Variants in NCALD observed in about 807,000 individuals in gnomAD.
NCALD encodes the protein neurocalcin delta.
Under a neutral mutation model 18.6 loss-of-function variants are expected in NCALD, and 10 were observed. That is an observed-to-expected ratio of 0.54 (90% CI 0.33 to 0.91). The LOEUF is 0.91. Among genes scored for constraint, NCALD ranks in the 40% least tolerant of loss-of-function variants. The pLI, the probability that NCALD is intolerant of heterozygous loss-of-function variation, is 0.03. For synonymous variants in NCALD, 88 were observed against 87.4 expected (o/e 1.01, Z -0.04); for missense variants, 184 against 247.6 (o/e 0.74, Z 1.72).
At chr8:102,065,107 G>A (rs910490827) in intron 1 of NCALD, among the ~76,000 whole-genome samples, 3 of 151,916 alleles carry the variant, frequency 2.0e-5, no homozygotes, top group East Asian at 1.9e-4. Flanking sequence ...GGGCTTTGAG[G>A]GCTGAAGCAG....
intron 2 of NCALD, among the ~76,000 whole-genome samples, chr8:101,924,243 A>G (rs984225030): frequency 5.9e-5 from 9 of 152,168 alleles, no homozygotes; most frequent in Admixed American, 3.9e-4. Context: ...CCATTTAGCC[A>G]TTATTTCTAA....
chr8:101,992,330 T>C (rs929379753), intron 2 of NCALD, among the ~76,000 whole-genome samples: 5 of 152,222 alleles, frequency 3.3e-5, no homozygotes, highest in African/African-American at 4.8e-5. Flanking sequence ...TCAAGTGAAT[T>C]TATGAATTTC....
chr8:101,836,395 G>A (rs1040700166), intron 4 of NCALD, among the ~76,000 whole-genome samples: 1 of 152,220 alleles, frequency 6.6e-6, no homozygotes, highest in African/African-American at 2.4e-5. Flanking sequence ...ACTATGCAGA[G>A]ACTCACTTAC....
chr8:101,965,818 T>C (rs984745661), intron 2 of NCALD, among the ~76,000 whole-genome samples: 9 of 152,188 alleles, frequency 5.9e-5, no homozygotes, highest in Admixed American at 2.0e-4. Flanking sequence ...GTAAAAACAC[T>C]TATTTTTGGA....
At chr8:101,890,044 T>A (rs1215435521) in intron 3 of NCALD, among the ~76,000 whole-genome samples, 2 of 152,190 alleles carry the variant, frequency 1.3e-5, no homozygotes, top group African/African-American at 4.8e-5. Flanking sequence ...AGAGCTTGCA[T>A]TCATCCAAAG....
chr8:102,050,887 A>T (rs1823432208), intron 1 of NCALD, among the ~76,000 whole-genome samples: 1 of 146,252 alleles, frequency 6.8e-6, no homozygotes, highest in Non-Finnish European at 1.5e-5. Context: ...TTAATTGATT[A>T]TTAATTTAAT....
At chr8:101,793,592 C>G (rs904033410), upstream of NCALD, among the ~76,000 whole-genome samples, 10 of 152,232 alleles carry the variant, frequency 6.6e-5, no homozygotes, top group East Asian at 1.9e-3. Flanking sequence ...CAGATTCCTA[C>G]CAATTTGGTT....
At chr8:101,867,029 C>T (rs986437290) in intron 4 of NCALD, among the ~76,000 whole-genome samples, 3 of 152,160 alleles carry the variant, frequency 2.0e-5, no homozygotes, top group African/African-American at 7.2e-5. Flanking sequence ...TCTCTGTTCT[C>T]TCTGCTCCAG....
intron 4 of NCALD, among the ~76,000 whole-genome samples, chr8:101,817,747 G>A (rs1813556644): frequency 6.6e-6 from 1 of 152,118 alleles, no homozygotes; most frequent in African/African-American, 2.4e-5. Context: ...CAGGTCAGGT[G>A]GAAGACCCCT....
intron 2 of NCALD, among the ~76,000 whole-genome samples, chr8:101,988,902 G>GAAAAAAAAAAAAAAAAAAAA (rs35196499): frequency 3.0e-5 from 2 of 66,102 alleles, no homozygotes; most frequent in Non-Finnish European, 2.8e-5. Flanking sequence ...GGTGCCAGCA[G>GAAAAAAAAAAAAAAAAAAAA]AAAAAAAAAA....
intron 2 of NCALD, among the ~76,000 whole-genome samples, chr8:101,941,510 G>T (rs1485265254): frequency 6.6e-6 from 1 of 152,192 alleles, no homozygotes; most frequent in Non-Finnish European, 1.5e-5. Context: ...CTTTGAATCA[G>T]AAATCTAATA....
intron 4 of NCALD, among the ~76,000 whole-genome samples, chr8:101,807,129 T>G (rs1813132669): frequency 6.6e-6 from 1 of 152,052 alleles, no homozygotes; most frequent in East Asian, 1.9e-4. Context: ...AATACATTGA[T>G]AGTAGATCTA....
chr8:101,966,433 G>A (rs2131874419), intron 2 of NCALD, among the ~76,000 whole-genome samples: 1 of 147,236 alleles, frequency 6.8e-6, no homozygotes, highest in South Asian at 2.3e-4. Context: ...ATTGAACAAT[G>A]AGAACACATG....
chr8:102,068,347 C>T (rs766448302), intron 1 of NCALD, among the ~76,000 whole-genome samples: 2 of 152,246 alleles, frequency 1.3e-5, no homozygotes, highest in African/African-American at 4.8e-5. Context: ...GCCTCATTCA[C>T]AGCATCCGCT....
At chr8:101,810,690 T>C (rs1813273164) in intron 4 of NCALD, among the ~76,000 whole-genome samples, 2 of 152,186 alleles carry the variant, frequency 1.3e-5, no homozygotes, top group Non-Finnish European at 2.9e-5. Flanking sequence ...TTTATTACTT[T>C]GCTGATATTA....
chr8:102,119,299 A>G (rs1158530150), intron 1 of NCALD, among the ~76,000 whole-genome samples: 6 of 152,346 alleles, frequency 3.9e-5, no homozygotes, highest in South Asian at 4.1e-4. Context: ...GGACATTATT[A>G]TAAGTGAAAT....
At chr8:101,880,166 C>T (rs912240041) in intron 4 of NCALD, among the ~76,000 whole-genome samples, 3 of 152,118 alleles carry the variant, frequency 2.0e-5, no homozygotes, top group East Asian at 1.9e-4. Context: ...TGAGGCCCGG[C>T]GAGAATTCGA....
intron 2 of NCALD, among the ~76,000 whole-genome samples, chr8:101,703,326 T>C (rs1478052280): frequency 6.6e-6 from 1 of 152,224 alleles, no homozygotes; most frequent in African/African-American, 2.4e-5. Context: ...GTGGACTTTA[T>C]GAATAGCACA....
chr8:101,777,186 C>G (rs1250111563), intron 1 of NCALD, among the ~76,000 whole-genome samples: 1 of 152,202 alleles, frequency 6.6e-6, no homozygotes, highest in Admixed American at 6.5e-5. Flanking sequence ...CAACATCAAG[C>G]TTGCTCATTT....
Sources: gnomAD v4.1 joint callset for allele counts (sites outside exome capture counted in the v4.1 genomes callset) on GRCh38, gnomAD v4.1.1 for gene constraint, MANE v1.5 for transcripts, NCBI Gene and HGNC (gene_info 2026-07-23, HGNC 2026-07-21) for gene names.